The following TBC1D22A variants were observed in gnomAD, a reference collection of about 807,000 sequenced individuals.
TBC1D22A encodes TBC1 domain family member 22A.
A neutral mutation model predicts 60.2 loss-of-function variants in TBC1D22A; 38 were observed. The observed-to-expected ratio is 0.63, with a 90% CI of 0.49 to 0.83. The LOEUF is 0.83. TBC1D22A is among the 40% of genes least tolerant of loss of function. TBC1D22A has a pLI of 0.00. For missense variants in TBC1D22A, 628 were observed against 701.0 expected, an observed-to-expected ratio of 0.90 and a Z score of 1.18; for synonymous variants, 302 against 281.7, an observed-to-expected ratio of 1.07 and a Z score of -0.72.
At chr22:46,966,141 CTT>C (rs1000743743) in intron 8 of TBC1D22A, among the ~76,000 whole-genome samples, 4 of 152,254 alleles carry the variant, frequency 2.6e-5, no homozygotes, top group Admixed American at 2.0e-4. Context: ...CGTCTGTGAA[CTT>C]TCTGCCTTCC....
chr22:46,878,584 T>TA, intron 4 of TBC1D22A, 69 bp from the exon 5 acceptor site: 2 of 1,373,118 alleles, frequency 1.5e-6, no homozygotes, highest in Non-Finnish European at 2.1e-6. Flanking sequence ...TGGAATGTGT[T>TA]AAAGCACTGG....
At chr22:47,046,724 G>T (rs2063044478) in intron 11 of TBC1D22A, among the ~76,000 whole-genome samples, 2 of 152,140 alleles carry the variant, frequency 1.3e-5, no homozygotes, top group African/African-American at 2.4e-5. Context: ...CCTCCTCCCC[G>T]CACTTGTCCA....
intron 4 of TBC1D22A, among the ~76,000 whole-genome samples, chr22:46,873,616 A>T (rs2067394448): frequency 6.6e-6 from 1 of 152,130 alleles, no homozygotes; most frequent in Non-Finnish European, 1.5e-5. Flanking sequence ...TTCATCATCC[A>T]GGTATTAGGC....
chr22:47,153,112 C>T (rs949102124), intron 12 of TBC1D22A, among the ~76,000 whole-genome samples: 4 of 152,274 alleles, frequency 2.6e-5, no homozygotes, highest in African/African-American at 2.4e-5. Context: ...AGAGGCACCT[C>T]GTGGCCTGAG....
intron 11 of TBC1D22A, among the ~76,000 whole-genome samples, 174 bp downstream of exon 11, chr22:47,037,372 G>A (rs568744908): frequency 6.6e-6 from 1 of 152,330 alleles, no homozygotes; most frequent in Non-Finnish European, 1.5e-5. Flanking sequence ...GCTCATGCCT[G>A]TAATCCTAGC....
At chr22:46,904,830 G>A (rs187317042) in intron 7 of TBC1D22A, among the ~76,000 whole-genome samples, 39 of 145,456 alleles carry the variant, frequency 2.7e-4, no homozygotes, top group African/African-American at 6.9e-4. Flanking sequence ...GCTGGAGTGC[G>A]GTGGCGCAAT....
At chr22:46,995,079 A>G (rs891689978) in intron 9 of TBC1D22A, among the ~76,000 whole-genome samples, 4 of 152,130 alleles carry the variant, frequency 2.6e-5, no homozygotes, top group African/African-American at 9.7e-5. Flanking sequence ...CTGCCCATTA[A>G]ACACCGTATT....
chr22:46,959,518 G>GCT lies in TBC1D22A; in HGVS notation c.1016-14771_1016-14770dup, dbSNP rs1261768755. ...TTGTGGTCCCTGGTTTGAGAGGCCT[G>GCT]CTGGGAGTCAGGCTGTTTCCTTGCT... On this transcript the variant is annotated intron_variant, in intron 8 of 12. Transcript: ENST00000337137. Among the ~76,000 whole-genome samples the GCT allele has an allele frequency of 2.0e-5, 3 of 152,216 alleles. No individual in the cohort carries two copies. The East Asian group carries it at 5.8e-4, about 29-fold the overall frequency.
At chr22:47,146,904 T>C (rs1002764745) in intron 12 of TBC1D22A, among the ~76,000 whole-genome samples, 5 of 152,240 alleles carry the variant, frequency 3.3e-5, no homozygotes, top group Non-Finnish European at 5.9e-5. Context: ...TCCACCCTTT[T>C]GGATGACACA....
intron 10 of TBC1D22A, among the ~76,000 whole-genome samples, chr22:47,019,425 G>T (rs76296696): frequency 1.3e-5 from 2 of 152,316 alleles, no homozygotes; most frequent in South Asian, 4.1e-4. Flanking sequence ...GACGGGAGCC[G>T]TCACTGGCTG....
At position 46,902,848 on chromosome 22, in the gene TBC1D22A, A is replaced by G. The variant is rs73888438; in HGVS notation, c.900+8002A>G. ...GATGTCTCTGTCCTCAGCAGCGCAC[A>G]GTTGAAGTGAGGGATGAAGACAGAT... On this transcript the variant is annotated intron_variant, in intron 7 of 12. Coordinates refer to ENST00000337137, the MANE Select transcript of TBC1D22A (RefSeq NM_014346.5). Among the ~76,000 whole-genome samples the G allele has an allele frequency of 4.2e-3, 644 of 152,388 alleles. 5 individuals are homozygous for G. Among genetic ancestry groups the G allele is most frequent in the African/African-American group, 0.015 (611 of 41,598 alleles).
chr22:46,807,052 TC>T (rs2085175567), intron 4 of TBC1D22A, among the ~76,000 whole-genome samples: 1 of 152,256 alleles, frequency 6.6e-6, no homozygotes, highest in African/African-American at 2.4e-5. Flanking sequence ...CGCAGATTCT[TC>T]CTGCTCAACC....
chr22:47,173,331 C>G (rs1274951374), intron 12 of TBC1D22A, among the ~76,000 whole-genome samples, 167 bp from the exon 13 acceptor site: 1 of 152,162 alleles, frequency 6.6e-6, no homozygotes, highest in Non-Finnish European at 1.5e-5. Flanking sequence ...GTCACCTCCT[C>G]TGACCTGGGC....
chr22:46,774,704 G>T (rs1039332712), intron 1 of TBC1D22A, among the ~76,000 whole-genome samples: 2 of 152,140 alleles, frequency 1.3e-5, no homozygotes, highest in Non-Finnish European at 2.9e-5. Context: ...TCACCTTCAG[G>T]CCCATCCAAG....
chr22:46,840,633 T>A (rs1442926157), intron 4 of TBC1D22A, among the ~76,000 whole-genome samples: 1 of 151,570 alleles, frequency 6.6e-6, no homozygotes, highest in Non-Finnish European at 1.5e-5. Context: ...CTTGGGAGGC[T>A]GAGGCAGGAG....
intron 11 of TBC1D22A, among the ~76,000 whole-genome samples, chr22:47,090,203 G>T (rs950954168): frequency 6.6e-6 from 1 of 152,162 alleles, no homozygotes; most frequent in Non-Finnish European, 1.5e-5. Context: ...TGAAGATTCC[G>T]GGGCTTGCCA....
chr22:47,035,535 G>A (rs1034636583), intron 10 of TBC1D22A, among the ~76,000 whole-genome samples: 1 of 152,220 alleles, frequency 6.6e-6, no homozygotes, highest in Non-Finnish European at 1.5e-5. Context: ...ACCCCACAGT[G>A]TGAAGCAGGC....
At chr22:46,886,543 G>A (rs1265121987) in intron 5 of TBC1D22A, among the ~76,000 whole-genome samples, 2 of 152,212 alleles carry the variant, frequency 1.3e-5, no homozygotes, top group Non-Finnish European at 2.9e-5. Context: ...AACCTTGAAG[G>A]TATCCGGTAT....
intron 11 of TBC1D22A, among the ~76,000 whole-genome samples, chr22:47,088,075 AT>A (rs1156306964): frequency 2.5e-5 from 1 of 39,908 alleles, no homozygotes; most frequent in Non-Finnish European, 4.1e-5. Flanking sequence ...TCCATCTCAA[AT>A]AAAAAATAAT....
Sources: gnomAD v4.1 joint callset for allele counts (sites outside exome capture counted in the v4.1 genomes callset) on GRCh38, gnomAD v4.1.1 for gene constraint, MANE v1.5 for transcripts, NCBI Gene and HGNC (gene_info 2026-07-23, HGNC 2026-07-21) for gene names.